MITF: variants seen among roughly 807,000 people sequenced by gnomAD.
The protein encoded by MITF is melanocyte inducing transcription factor, also known as microphthalmia-associated transcription factor.
MITF carries 17 observed loss-of-function variants against 60.5 expected under a neutral mutation model. The observed-to-expected ratio is 0.28, with a 90% CI of 0.19 to 0.42. The LOEUF is 0.42. Among genes scored for constraint, MITF ranks in the 10% least tolerant of loss-of-function variants. The pLI, the probability that MITF is intolerant of heterozygous loss-of-function variation, is 1.00. For missense variants in MITF, 622 were observed against 683.5 expected, an observed-to-expected ratio of 0.91 and a Z score of 1.00; for synonymous variants, 260 against 248.5, an observed-to-expected ratio of 1.05 and a Z score of -0.43.
At chr3:69,868,791 A>G (rs913133103) in intron 1 of MITF, among the ~76,000 whole-genome samples, 6 of 151,178 alleles carry the variant, frequency 4.0e-5, no homozygotes, top group Non-Finnish European at 5.9e-5. Context: ...CCCAGCTACT[A>G]TGGAGGCTGA....
chr3:69,965,089 C>T lies in MITF; in HGVS notation c.1422C>T (p.Pro474=). The part of the protein sequence containing the change: ...GTEANQAYSV[P]TKMGSKLEDI... ...AGGCCAACCAAGCCTATAGTGTCCC[C>T]ACAAAAATGGGATCCAAACTGGAAG... is the stretch of plus-strand genomic sequence containing the variant. The change falls in exon 10 of 10, where the codon CCC becomes CCT. Residue 474 remains proline, a synonymous_variant. Transcript: ENST00000352241. 1 of 1,614,120 alleles carries T rather than the reference C, an allele frequency of 6.2e-7. No homozygotes were observed. Among genetic ancestry groups the T allele is most frequent in the Non-Finnish European group, 8.5e-7 (1 of 1,180,020 alleles).
chr3:69,811,439 C>T (rs1420978659), intron 1 of MITF, among the ~76,000 whole-genome samples: 2 of 152,164 alleles, frequency 1.3e-5, no homozygotes, highest in South Asian at 4.1e-4. Flanking sequence ...AATCACTGTA[C>T]CACAAAGCCC....
chr3:69,893,203 A>G lies in MITF; in HGVS notation c.354+13820A>G, dbSNP rs571139429. 3.6e-4 allele frequency among the ~76,000 whole-genome samples: 55 copies of G among 152,314 alleles called. 1 individual carries two copies. Among genetic ancestry groups the G allele is most frequent in the African/African-American group, 1.3e-3 (52 of 41,580 alleles). On this transcript the variant is annotated intron_variant, in intron 2 of 9. Transcript: ENST00000352241. ...TAAGAGAAGAAAAGGAGAAATCACC[A>G]TAAGATATCCCCTGAGGACTTCTGC...
chr3:69,817,366 A>G (rs1172953305), intron 1 of MITF, among the ~76,000 whole-genome samples: 8 of 152,148 alleles, frequency 5.3e-5, no homozygotes, highest in Non-Finnish European at 8.8e-5. Flanking sequence ...TAAAACCATG[A>G]GATAGCTTCT....
intron 1 of MITF, among the ~76,000 whole-genome samples, chr3:69,873,233 T>A (rs1206897997): frequency 6.6e-6 from 1 of 152,122 alleles, no homozygotes; most frequent in African/African-American, 2.4e-5. Flanking sequence ...GATGATATAG[T>A]TTCTTATTAG....
At chr3:69,912,707 G>A (rs1156470562) in intron 2 of MITF, among the ~76,000 whole-genome samples, 3 of 152,208 alleles carry the variant, frequency 2.0e-5, no homozygotes, top group Non-Finnish European at 4.4e-5. Context: ...TGGGGAAAGT[G>A]TGGGTGAATG....
chr3:69,874,229 A>G (rs1282996606), intron 1 of MITF, among the ~76,000 whole-genome samples: 2 of 152,206 alleles, frequency 1.3e-5, no homozygotes, highest in African/African-American at 4.8e-5. Context: ...ATAGCTCATG[A>G]GAGATTTGCA....
intron 2 of MITF, among the ~76,000 whole-genome samples, chr3:69,937,365 G>GT (rs1553701619): frequency 7.0e-6 from 1 of 142,116 alleles, no homozygotes; most frequent in African/African-American, 2.6e-5. Context: ...TTCTTAAGGA[G>GT]GTGTGTGTGT....
intron 2 of MITF, among the ~76,000 whole-genome samples, chr3:69,911,704 T>G (rs1488817823): frequency 6.6e-6 from 1 of 152,160 alleles, no homozygotes; most frequent in Non-Finnish European, 1.5e-5. Context: ...GAATTGCACA[T>G]TAAAGTAATA....
At chr3:69,752,332 T>G (rs1436638891) in intron 1 of MITF, 1 of 152,136 alleles carries the variant, frequency 6.6e-6, no homozygotes, top group African/African-American at 2.4e-5. Flanking sequence ...GATAGGAAGA[T>G]GATGGAAAGT....
At chr3:69,831,225 C>T (rs962718246) in intron 1 of MITF, among the ~76,000 whole-genome samples, 12 of 152,108 alleles carry the variant, frequency 7.9e-5, no homozygotes, top group East Asian at 1.9e-4. Context: ...AAATGGCAGC[C>T]GTTAACAATT....
At chr3:69,879,834 G>A (rs1196598115) in intron 2 of MITF, among the ~76,000 whole-genome samples, 1 of 152,134 alleles carries the variant, frequency 6.6e-6, no homozygotes, top group East Asian at 1.9e-4. Context: ...ATATAAGATT[G>A]AAGAAGAGCT....
intron 2 of MITF, among the ~76,000 whole-genome samples, chr3:69,893,623 A>G (rs577730041): frequency 1.3e-5 from 2 of 152,290 alleles, no homozygotes; most frequent in African/African-American, 2.4e-5. Context: ...TTGAGAAGTG[A>G]CTAGAAGGTT....
At chr3:69,827,695 A>G (rs962215429) in intron 1 of MITF, among the ~76,000 whole-genome samples, 1 of 152,160 alleles carries the variant, frequency 6.6e-6, no homozygotes, top group Non-Finnish European at 1.5e-5. Context: ...GAATCAGTGG[A>G]CATGACTTTT....
At position 69,949,108 on chromosome 3, in the gene MITF, G is replaced by A; in HGVS notation, c.820G>A (p.Gly274Ser). 6.2e-7 allele frequency: 1 copy of A among 1,613,592 alleles called. No homozygotes were observed. Reference protein sequence around the residue: ...LYGNQGLPPPGLTISNSCPAN... With the variant: ...LYGNQGLPPPSLTISNSCPAN... ...TGGAAACCAAGGTCTGCCCCCACCA[G>A]GCCTCACCATCAGCAACTCCTGTCC... Residue 274 changes from glycine (G) to serine (S), a missense_variant, in exon 6 of 10, where the codon GGC becomes AGC. Gly to Ser is a moderately conservative substitution (Grantham distance 56). Coordinates refer to ENST00000352241, the MANE Select transcript of MITF (RefSeq NM_001354604.2).
Position 69,799,057 on chromosome 3 carries a change from T to G in MITF, c.104+59356T>G, listed in dbSNP as rs114596510. Among the ~76,000 whole-genome samples the G allele has an allele frequency of 6.5e-3, 997 of 152,286 alleles. 9 individuals are homozygous for G. Among genetic ancestry groups the G allele is most frequent in the African/African-American group, 0.023 (939 of 41,538 alleles). On this transcript the variant is annotated intron_variant, in intron 1 of 9. Coordinates refer to ENST00000352241, the MANE Select transcript of MITF (RefSeq NM_001354604.2). The stretch of plus-strand genomic sequence containing the variant: ...GCGTCAGACTTGGATTACCATGGTA[T>G]GTTTCTTTAGTTCCCCAACACACTC...
chr3:69,872,146 G>A (rs1019877994), intron 1 of MITF, among the ~76,000 whole-genome samples: 2 of 152,162 alleles, frequency 1.3e-5, no homozygotes, highest in Non-Finnish European at 2.9e-5. Flanking sequence ...TTCCTTGAAA[G>A]GAATTGAGTG....
At chr3:69,935,476 T>G (rs1183026211) in intron 2 of MITF, among the ~76,000 whole-genome samples, 1 of 152,196 alleles carries the variant, frequency 6.6e-6, no homozygotes, top group Non-Finnish European at 1.5e-5. Context: ...TTTATGTTTA[T>G]TTTAGTAATG....
chr3:69,766,146 A>G (rs1435992320), intron 1 of MITF, among the ~76,000 whole-genome samples: 2 of 151,974 alleles, frequency 1.3e-5, no homozygotes, highest in Non-Finnish European at 2.9e-5. Context: ...ATTTAACTGG[A>G]GTATGCATTA....
Sources: allele counts gnomAD v4.1 joint callset (sites outside exome capture counted in the v4.1 genomes callset), GRCh38; gene constraint gnomAD v4.1.1; transcripts MANE v1.5; gene names NCBI Gene and HGNC (gene_info 2026-07-23, HGNC 2026-07-21).